The following PPA2 variants were observed in gnomAD, a reference collection of about 807,000 sequenced individuals.
PPA2 encodes inorganic pyrophosphatase 2, mitochondrial.
Under a neutral mutation model 49.5 loss-of-function variants are expected in PPA2, and 48 were observed. The ratio of observed to expected loss-of-function variants is 0.97; its 90% CI spans 0.77 to 1.23. The LOEUF (loss-of-function observed/expected upper bound fraction) is 1.23, where lower values mean the gene tolerates loss of function less well. PPA2 is among the 50% of genes most tolerant of loss of function. PPA2 has a pLI of 0.00. For synonymous variants in PPA2, 131 were observed against 139.9 expected, an observed-to-expected ratio of 0.94 and a Z score of 0.45; for missense variants, 429 against 410.1, an observed-to-expected ratio of 1.05 and a Z score of -0.40.
chr4:105,423,793 C>T (rs1241599989), intron 7 of PPA2, among the ~76,000 whole-genome samples: 2 of 152,148 alleles, frequency 1.3e-5, no homozygotes, highest in African/African-American at 4.8e-5. Context: ...ACACTCCTTC[C>T]TTAGTTTCTT....
At chr4:105,388,027 T>G (rs1733752970) in intron 9 of PPA2, among the ~76,000 whole-genome samples, 1 of 140,296 alleles carries the variant, frequency 7.1e-6, no homozygotes, top group African/African-American at 2.9e-5. Context: ...AAAACATTCC[T>G]TGGAAATTCT....
chr4:105,465,559 TAAG>T (rs1723267793), intron 1 of PPA2, among the ~76,000 whole-genome samples: 1 of 152,182 alleles, frequency 6.6e-6, no homozygotes, highest in Non-Finnish European at 1.5e-5. Flanking sequence ...AAGTGTTCTG[TAAG>T]AAGGATTGCA....
intron 3 of PPA2, among the ~76,000 whole-genome samples, chr4:105,451,440 T>C (rs968653664): frequency 6.6e-6 from 1 of 152,224 alleles, no homozygotes; most frequent in Non-Finnish European, 1.5e-5. Flanking sequence ...AGCTGCTCCT[T>C]AGAAGTATGT....
chr4:105,473,521 T>A (rs780238298), intron 1 of PPA2: 1 of 484,462 alleles, frequency 2.1e-6, no homozygotes, highest in East Asian at 5.5e-5. Flanking sequence ...CCTTCCTCAC[T>A]GAGTTGTGTG....
chr4:105,390,466 A>G (rs201226964), intron 9 of PPA2, among the ~76,000 whole-genome samples: 1 of 35,396 alleles, frequency 2.8e-5, no homozygotes, highest in African/African-American at 1.1e-4. Context: ...AATTTACAAG[A>G]AAAAAAAAAC....
chr4:105,387,583 T>C (rs910603268), intron 9 of PPA2, among the ~76,000 whole-genome samples: 2 of 152,174 alleles, frequency 1.3e-5, no homozygotes, highest in Non-Finnish European at 2.9e-5. Flanking sequence ...GCGATTATAA[T>C]AAGTGGTCAT....
chr4:105,399,325 T>C (rs760841226), intron 7 of PPA2, 161 bp from the exon 8 acceptor site: 4 of 603,170 alleles, frequency 6.6e-6, no homozygotes, highest in Non-Finnish European at 1.1e-5. Flanking sequence ...GATATGTATA[T>C]CACCTTCAGA....
At chr4:105,414,406 C>T (rs1157738985) in intron 7 of PPA2, among the ~76,000 whole-genome samples, 1 of 152,236 alleles carries the variant, frequency 6.6e-6, no homozygotes, top group Non-Finnish European at 1.5e-5. Context: ...CCCACTCGGC[C>T]TGGCAGGCTG....
chr4:105,441,903 A>G (rs1363774734), intron 5 of PPA2, among the ~76,000 whole-genome samples: 9 of 152,104 alleles, frequency 5.9e-5, no homozygotes, highest in Admixed American at 5.9e-4. Context: ...TCCCTGAATC[A>G]TACAAAGCCA....
chr4:105,406,114 C>CA (rs35468715), intron 7 of PPA2, among the ~76,000 whole-genome samples: 11,147 of 97,492 alleles, frequency 0.11, 1,601 homozygotes, highest in African/African-American at 0.36. Context: ...TATAAAACTT[C>CA]AAAAAAAAAA....
At chr4:105,472,523 C>T (rs1409937646) in intron 1 of PPA2, among the ~76,000 whole-genome samples, 1 of 152,096 alleles carries the variant, frequency 6.6e-6, no homozygotes, top group Non-Finnish European at 1.5e-5. Context: ...AAGCGAACTG[C>T]CACTTCATAA....
intron 3 of PPA2, among the ~76,000 whole-genome samples, chr4:105,452,503 C>A (rs1290415129): frequency 6.6e-6 from 1 of 152,168 alleles, no homozygotes; most frequent in African/African-American, 2.4e-5. Flanking sequence ...GGCACGGAAT[C>A]TGAATTTTTA....
chr4:105,436,210 C>CACACACACACGCATCAT (rs1476427418), intron 6 of PPA2, among the ~76,000 whole-genome samples: 3 of 151,548 alleles, frequency 2.0e-5, no homozygotes, highest in Non-Finnish European at 3.0e-5. Flanking sequence ...GCAACAGCCA[C>CACACACACACGCATCAT]ACACACACAC....
intron 9 of PPA2, among the ~76,000 whole-genome samples, chr4:105,390,483 A>G (rs1472707022): frequency 6.6e-6 from 1 of 152,190 alleles, no homozygotes; most frequent in Admixed American, 6.5e-5. Context: ...AAACCCATCA[A>G]AAAGTGGGCA....
intron 10 of PPA2, among the ~76,000 whole-genome samples, chr4:105,374,194 G>A (rs1487033147): frequency 6.6e-6 from 1 of 152,104 alleles, no homozygotes. Flanking sequence ...AAAAGAATGT[G>A]GACATCCTCT....
rs1397263898 is a variant in PPA2 at position 105,426,401 on chromosome 4, C to T, written c.529-2079G>A. Among the ~76,000 whole-genome samples the T allele has an allele frequency of 2.0e-5, 3 of 152,174 alleles. No homozygotes were observed. The East Asian group carries it at 5.8e-4, about 29-fold the overall frequency. The stretch of plus-strand genomic sequence containing the variant: ...GGATGTTGCCTCACCCAGGAAGCGC[C>T]AGGGGTCAGGGGATTTCCCTTTTCT... On this transcript the variant is annotated intron_variant, in intron 6 of 11. Transcript: ENST00000341695.
At chr4:105,414,007 T>C (rs1158787285) in intron 7 of PPA2, among the ~76,000 whole-genome samples, 1 of 152,156 alleles carries the variant, frequency 6.6e-6, no homozygotes, top group Admixed American at 6.5e-5. Context: ...ACCAAAAGAA[T>C]GTCAACCCCA....
chr4:105,446,430 T>TA lies in PPA2; in HGVS notation c.393dup (p.Ile132TyrfsTer23). The TA allele has an allele frequency of 1.2e-6, 2 of 1,606,556 alleles. No individual in the cohort carries two copies. The highest frequency in any genetic ancestry group is 4.5e-5 in the East Asian group (2 of 44,408). On this transcript the variant is annotated frameshift_variant, in exon 5 of 12. Transcript: ENST00000341695. LOFTEE classifies it high-confidence loss of function. Reference sequence around the variant, plus strand: ...CATATATAACCCTTGTAAGGGAAGATATTCGCCACATAGCGTAGCTTTCCA... The same window carrying TA: ...CATATATAACCCTTGTAAGGGAAGATAATTCGCCACATAGCGTAGCTTTCCA...
chr4:105,461,196 G>C (rs1723076414), intron 1 of PPA2, among the ~76,000 whole-genome samples: 1 of 152,062 alleles, frequency 6.6e-6, no homozygotes, highest in African/African-American at 2.4e-5. Flanking sequence ...AATTTGGAAA[G>C]CAGAGCTTTA....
Sources: allele counts gnomAD v4.1 joint callset (sites outside exome capture counted in the v4.1 genomes callset), GRCh38; gene constraint gnomAD v4.1.1; transcripts MANE v1.5; gene names NCBI Gene and HGNC (gene_info 2026-07-23, HGNC 2026-07-21).